EXOC5: variants seen among roughly 807,000 people sequenced by gnomAD.
EXOC5 encodes SEC10-like 1.
In EXOC5, 17 loss-of-function variants were observed where a neutral mutation model predicts 90.8. The ratio of observed to expected loss-of-function variants is 0.19; its 90% CI spans 0.13 to 0.28. The LOEUF is 0.28. Among genes scored for constraint, EXOC5 ranks in the 10% least tolerant of loss-of-function variants. The probability of loss-of-function intolerance (pLI) is 1.00; values close to 1 mark genes in which losing one functional copy is unlikely to be tolerated. For synonymous variants in EXOC5, 260 were observed against 270.0 expected, an observed-to-expected ratio of 0.96 and a Z score of 0.36; for missense variants, 569 against 830.6, an observed-to-expected ratio of 0.69 and a Z score of 3.87.
intron 9 of EXOC5, 23 bp from the exon 10 acceptor site, chr14:57,232,772 CT>C (rs1311294542): frequency 9.1e-7 from 1 of 1,095,918 alleles, no homozygotes; most frequent in Non-Finnish European, 1.4e-6. Flanking sequence ...GGTTAACATT[CT>C]GTTAATTAGG....
chr14:57,233,611 T>C (rs1353766923), intron 9 of EXOC5, 132 bp downstream of exon 9: 4 of 594,192 alleles, frequency 6.7e-6, no homozygotes, highest in Middle Eastern at 9.0e-4. Flanking sequence ...GAGGATTCCT[T>C]TCTCCTTAAC....
intron 1 of EXOC5, among the ~76,000 whole-genome samples, chr14:57,264,117 C>T (rs1884598560): frequency 6.6e-6 from 1 of 152,176 alleles, no homozygotes; most frequent in Non-Finnish European, 1.5e-5. Flanking sequence ...AATGTCTGGC[C>T]TACAGATTCA....
Position 57,209,781 on chromosome 14 carries a change from G to A in EXOC5, c.1724C>T (p.Ala575Val), listed in dbSNP as rs1486844490. 6.2e-7 allele frequency: 1 copy of A among 1,600,460 alleles called. No homozygotes were observed. ...TACGTAAGCACAGACTTTTACACAGGCCTATAAAAGTTTTTCTACACTCAT... is the reference window on the plus strand; with the variant it reads ...TACGTAAGCACAGACTTTTACACAGACCTATAAAAGTTTTTCTACACTCAT... ...ENNVLIQYTNACVKVCAYVRK... is the reference protein window; with the variant it reads ...ENNVLIQYTNVCVKVCAYVRK... The change falls in exon 17 of 18, where the codon GCC (alanine) becomes GTC (valine). Residue 575 changes from alanine (A) to valine (V), a missense_variant and splice_region_variant. Coordinates refer to ENST00000621441, the MANE Select transcript of EXOC5 (RefSeq NM_006544.4).
Position 57,205,692 on chromosome 14 carries a change from A to G in EXOC5, c.*2917T>C, listed in dbSNP as rs1019803822. 8.7e-6 allele frequency: 3 copies of G among 345,062 alleles called. No homozygotes were observed. The highest frequency in any genetic ancestry group is 6.5e-5 in the African/African-American group (3 of 46,138). The allele number at this position is 345,062 out of a possible 1,614,324, so 21.4% of individuals were successfully genotyped here. A position where few individuals can be genotyped will look rare whatever the true frequency, so the allele number is the denominator to read the frequency against. The stretch of plus-strand genomic sequence containing the variant: ...TACTGATTGATAATTAAATTATTTC[A>G]CTGTGAACCAGAAGGCTAGTATTTA... On this transcript the variant is annotated 3_prime_UTR_variant, in exon 18 of 18. Coordinates refer to ENST00000621441, the MANE Select transcript of EXOC5 (RefSeq NM_006544.4).
chr14:57,202,840 T>C lies in EXOC5; in HGVS notation c.*5769A>G, dbSNP rs550166393. The C allele has an allele frequency of 6.6e-6, 1 of 152,242 alleles. No individual in the cohort carries two copies. The highest frequency in any genetic ancestry group is 1.9e-4 in the East Asian group (1 of 5,188). 9.4% of individuals were successfully genotyped at this position (152,242 alleles called of 1,614,324 possible). ...AGATGCTGTAAAGTTGTGTGAATTCTATTTTTAAAATAAAAAAATGTACAT... is the reference window on the plus strand; with the variant it reads ...AGATGCTGTAAAGTTGTGTGAATTCCATTTTTAAAATAAAAAAATGTACAT... On this transcript the variant is annotated 3_prime_UTR_variant, in exon 18 of 18. Transcript: ENST00000621441.
intron 3 of EXOC5, 63 bp downstream of exon 3, chr14:57,246,648 A>C: frequency 7.1e-7 from 1 of 1,411,394 alleles, no homozygotes; most frequent in Non-Finnish European, 9.8e-7. Flanking sequence ...AGAGCTTAAA[A>C]CTGGAAGAAA....
At chr14:57,213,998 T>A (rs1882901134) in intron 15 of EXOC5, among the ~76,000 whole-genome samples, 1 of 151,854 alleles carries the variant, frequency 6.6e-6, no homozygotes, top group Non-Finnish European at 1.5e-5. Flanking sequence ...AAGATAAACA[T>A]AAAGTTTCCT....
At chr14:57,216,279 G>GA (rs75662960) in intron 15 of EXOC5, among the ~76,000 whole-genome samples, 2,208 of 133,462 alleles carry the variant, frequency 0.017, 60 homozygotes, top group African/African-American at 0.049. Context: ...CACAGAAATA[G>GA]AAAAAAAAAA....
chr14:57,210,604 T>C (rs946469771), intron 15 of EXOC5, among the ~76,000 whole-genome samples: 10 of 152,204 alleles, frequency 6.6e-5, no homozygotes, highest in African/African-American at 1.2e-4. Flanking sequence ...TTTATGTTCA[T>C]TGAGCCATCA....
rs1336983454 is a variant in EXOC5, at chr14:57,208,681, C to T, written c.2055G>A (p.Lys685=). 1 of 1,612,452 alleles carries T rather than the reference C, an allele frequency of 6.2e-7. No homozygotes were observed. The highest frequency in any genetic ancestry group is 8.5e-7 in the Non-Finnish European group (1 of 1,179,394). The change falls in exon 18 of 18, where the codon AAG becomes AAA. Residue 685 remains lysine, a synonymous_variant. Coordinates refer to ENST00000621441, the MANE Select transcript of EXOC5 (RefSeq NM_006544.4). ...CSGEQLANLD[K]NILHSFVQLR... ...GTTGTACGAAGGAGTGAAGTATATT[C>T]TTGTCCAGATTAGCAAGTTGTTCTC... is the stretch of plus-strand genomic sequence containing the variant.
intron 16 of EXOC5, 45 bp downstream of exon 16, chr14:57,209,908 T>C (rs1259789814): frequency 4.9e-6 from 6 of 1,221,946 alleles, no homozygotes; most frequent in Admixed American, 4.0e-5. Flanking sequence ...GATACACCAA[T>C]GAAAATGTTA....
At chr14:57,261,036 A>G (rs1189392306) in intron 1 of EXOC5, among the ~76,000 whole-genome samples, 1 of 152,226 alleles carries the variant, frequency 6.6e-6, no homozygotes, top group Non-Finnish European at 1.5e-5. Flanking sequence ...AGATATGTAA[A>G]TAACTATATT....
chr14:57,219,087 T>C (rs940879920), intron 14 of EXOC5, among the ~76,000 whole-genome samples: 2 of 152,054 alleles, frequency 1.3e-5, no homozygotes, highest in African/African-American at 2.4e-5. Context: ...GATTAAATCT[T>C]TTGAAATACA....
intron 11 of EXOC5, 80 bp from the exon 12 acceptor site, chr14:57,229,961 A>T (rs550921778): frequency 2.5e-6 from 2 of 802,588 alleles, no homozygotes; most frequent in East Asian, 3.1e-5. Context: ...AACTTAGTAT[A>T]TATCAACAAC....
At position 57,247,731 on chromosome 14, in the gene EXOC5, C is replaced by A; in HGVS notation, c.28-19G>T. 2.2e-6 allele frequency: 3 copies of A among 1,363,608 alleles called. No homozygotes were observed. Among genetic ancestry groups the A allele is most frequent in the Non-Finnish European group, 3.0e-6 (3 of 1,001,020 alleles). The allele number at this position is 1,363,608 out of a possible 1,614,324, so 84.5% of individuals were successfully genotyped here. On this transcript the variant is annotated intron_variant, in intron 1 of 17. Transcript: ENST00000621441. ...AAGGCTCCTAGTTTACAAAAAAATACGCTTTAACAAAGTTTCATATACAAG... is the reference window on the plus strand; with the variant it reads ...AAGGCTCCTAGTTTACAAAAAAATAAGCTTTAACAAAGTTTCATATACAAG...
chr14:57,238,104 G>A (rs1883720393), intron 5 of EXOC5, among the ~76,000 whole-genome samples: 1 of 151,590 alleles, frequency 6.6e-6, no homozygotes, highest in African/African-American at 2.4e-5. Context: ...CAAAAATCTA[G>A]AGTGTTATAC....
chr14:57,254,973 G>C (rs763190625), intron 1 of EXOC5, among the ~76,000 whole-genome samples: 4 of 152,150 alleles, frequency 2.6e-5, no homozygotes, highest in Non-Finnish European at 5.9e-5. Context: ...AGCTGACTAA[G>C]ACAGACAGAT....
chr14:57,226,949 C>T (rs1031626767), intron 12 of EXOC5, among the ~76,000 whole-genome samples: 21 of 151,902 alleles, frequency 1.4e-4, no homozygotes, highest in Non-Finnish European at 2.2e-4. Context: ...AATCACCATC[C>T]AGAACAGAAA....
intron 1 of EXOC5, among the ~76,000 whole-genome samples, chr14:57,261,436 C>T (rs1305962786): frequency 6.6e-6 from 1 of 152,220 alleles, no homozygotes; most frequent in Non-Finnish European, 1.5e-5. Context: ...GACTGGAGAA[C>T]TCCAAAGCAT....
Sources: gnomAD v4.1 joint callset for allele counts (sites outside exome capture counted in the v4.1 genomes callset) on GRCh38, gnomAD v4.1.1 for gene constraint, MANE v1.5 for transcripts, NCBI Gene and HGNC (gene_info 2026-07-23, HGNC 2026-07-21) for gene names.